The following SUN1 variants were observed in gnomAD, a reference collection of about 807,000 sequenced individuals.
SUN1 encodes the protein Sad1 and UNC84 domain containing 1, also known as SUN domain-containing protein 1.
SUN1 carries 61 observed loss-of-function variants against 103.2 expected under a neutral mutation model. That is an observed-to-expected ratio of 0.59 (90% CI 0.48 to 0.73). SUN1 has a LOEUF of 0.73. SUN1 is among the 30% of genes least tolerant of loss of function. SUN1 has a pLI of 0.00. For missense variants in SUN1, 1,052 were observed against 1,034.6 expected (o/e 1.02, Z -0.23); for synonymous variants, 490 against 425.7 (o/e 1.15, Z -1.86).
intron 15 of SUN1, among the ~76,000 whole-genome samples, chr7:865,317 G>C (rs886507301): frequency 7.9e-5 from 12 of 151,940 alleles, no homozygotes; most frequent in Non-Finnish European, 1.5e-5. Context: ...TATGGGGTTG[G>C]CCAGGCTGGT....
Position 838,997 on chromosome 7 carries a change from C to T in SUN1, c.266+11C>T, listed in dbSNP as rs1460046814. 1.3e-6 allele frequency: 2 copies of T among 1,538,300 alleles called. No individual in the cohort carries two copies. Among genetic ancestry groups the T allele is most frequent in the African/African-American group, 2.7e-5 (2 of 73,034 alleles). On this transcript the variant is annotated intron_variant, in intron 2 of 18. Coordinates refer to ENST00000401592, the MANE Select transcript of SUN1 (RefSeq NM_001130965.3). ...GAACCGAGCGGCCAGGTGAGCACCG[C>T]TGCACTTCCTCTCCATCTGATCTCT...
At chr7:817,332 C>T (rs1781656210) in intron 1 of SUN1, 3 of 1,272,818 alleles carry the variant, frequency 2.4e-6, no homozygotes, top group East Asian at 2.5e-5. Context: ...CAAGCGATCC[C>T]CTCGCCCCAG....
intron 1 of SUN1, among the ~76,000 whole-genome samples, chr7:827,323 G>C (rs1793143057): frequency 6.6e-6 from 1 of 152,108 alleles, no homozygotes; most frequent in Admixed American, 6.6e-5. Context: ...ACTGTGCCTG[G>C]CCAGACCCAT....
chr7:826,453 G>A (rs536562832), intron 1 of SUN1, among the ~76,000 whole-genome samples: 1 of 152,322 alleles, frequency 6.6e-6, no homozygotes, highest in African/African-American at 2.4e-5. Flanking sequence ...CTGCCCAGCC[G>A]GGTGGAGCAG....
Position 873,542 on chromosome 7 carries a change from C to CA in SUN1, c.*212dup. 1 of 527,454 alleles carries CA rather than the reference C, an allele frequency of 1.9e-6. No homozygotes were observed. Among genetic ancestry groups the CA allele is most frequent in the Admixed American group, 3.5e-5 (1 of 28,686 alleles). The allele number at this position is 527,454 out of a possible 1,614,324, so 32.7% of individuals were successfully genotyped here. ...GCCTCTGCAGGTGCAGAGGGGTCAGCAGCAGGAGAAGCGTGTTGAACACGT... is the reference window on the plus strand; with the variant it reads ...GCCTCTGCAGGTGCAGAGGGGTCAGCAAGCAGGAGAAGCGTGTTGAACACGT... On this transcript the variant is annotated 3_prime_UTR_variant, in exon 19 of 19. Transcript: ENST00000401592.
chr7:873,443 C>A lies in SUN1; in HGVS notation c.*112C>A. The A allele has an allele frequency of 9.4e-7, 1 of 1,062,598 alleles. No individual in the cohort carries two copies. Among genetic ancestry groups the A allele is most frequent in the Admixed American group, 2.1e-5 (1 of 48,540 alleles). The allele number at this position is 1,062,598 out of a possible 1,614,324, so 65.8% of individuals were successfully genotyped here. A position where few individuals can be genotyped will look rare whatever the true frequency, so the allele number is the denominator to read the frequency against. Reference sequence around the variant, plus strand: ...ATGATGGGACAGTGCCACACTCCTTCAATAAACGTGGCTGCTGGCCAGAGG... The same window carrying A: ...ATGATGGGACAGTGCCACACTCCTTAAATAAACGTGGCTGCTGGCCAGAGG... On this transcript the variant is annotated 3_prime_UTR_variant, in exon 19 of 19. Transcript: ENST00000401592.
chr7:858,966 C>T (rs1174991853), intron 13 of SUN1, among the ~76,000 whole-genome samples: 1 of 152,044 alleles, frequency 6.6e-6, no homozygotes, highest in Non-Finnish European at 1.5e-5. Flanking sequence ...CCAGCCTGGC[C>T]AACATGGTGA....
chr7:869,599 G>T, intron 17 of SUN1, 83 bp downstream of exon 17: 2 of 1,517,806 alleles, frequency 1.3e-6, no homozygotes, highest in East Asian at 2.3e-5. Flanking sequence ...GAGCGCACTG[G>T]GGACGGCTGC....
At chr7:843,292 A>G in intron 4 of SUN1, 49 bp from the exon 5 acceptor site, 1 of 1,604,906 alleles carries the variant, frequency 6.2e-7, no homozygotes, top group South Asian at 1.1e-5. Context: ...TTAGTTAAAT[A>G]TCTGCAGACT....
chr7:871,413 G>A (rs1288122755), intron 17 of SUN1, among the ~76,000 whole-genome samples: 3 of 152,082 alleles, frequency 2.0e-5, no homozygotes, highest in South Asian at 2.1e-4. Flanking sequence ...TTTTGAGACC[G>A]AGTCTCGCTC....
At chr7:862,736 G>T (rs1437731992) in intron 15 of SUN1, among the ~76,000 whole-genome samples, 1 of 152,210 alleles carries the variant, frequency 6.6e-6, no homozygotes, top group Non-Finnish European at 1.5e-5. Flanking sequence ...CTGCACCGAA[G>T]GTTCCATTAT....
intron 1 of SUN1, among the ~76,000 whole-genome samples, chr7:826,556 G>A (rs1367408363): frequency 6.6e-6 from 1 of 152,226 alleles, no homozygotes; most frequent in Non-Finnish European, 1.5e-5. Context: ...CGCTCTGGGA[G>A]GAGGGGCCTG....
chr7:862,537 TTAGAA>T (rs765413334), intron 15 of SUN1, among the ~76,000 whole-genome samples: 59 of 152,242 alleles, frequency 3.9e-4, no homozygotes, highest in Non-Finnish European at 7.5e-4. Flanking sequence ...AATGACCTTT[TTAGAA>T]TATTAAGTGC....
At chr7:854,837 G>A (rs1197542717) in intron 10 of SUN1, 83 bp from the exon 11 acceptor site, 57 of 939,288 alleles carry the variant, frequency 6.1e-5, no homozygotes, top group South Asian at 4.1e-4. Context: ...TCGGTATTCC[G>A]TGTAGAAACG....
At position 839,408 on chromosome 7, in the gene SUN1, G is replaced by A. The variant is rs530699181; in HGVS notation, c.266+422G>A. 3.1e-4 allele frequency among the ~76,000 whole-genome samples: 47 copies of A among 152,268 alleles called. No individual in the cohort carries two copies. The South Asian group carries it at 7.0e-3, about 23-fold the overall frequency. ...CCAGTTCATTCTTTTTTCTGGAGAC[G>A]GAGTCTCGCTCTGTCGCCCAGGGTG... On this transcript the variant is annotated intron_variant, in intron 2 of 18. Transcript: ENST00000401592.
At chr7:836,679 T>G (rs949376518) in intron 1 of SUN1, among the ~76,000 whole-genome samples, 1 of 152,188 alleles carries the variant, frequency 6.6e-6, no homozygotes, top group Non-Finnish European at 1.5e-5. Context: ...TGGAGGGCAG[T>G]CTGCTTTCCT....
intron 5 of SUN1, among the ~76,000 whole-genome samples, chr7:846,352 C>A (rs1319530623): frequency 6.6e-6 from 1 of 152,174 alleles, no homozygotes; most frequent in Non-Finnish European, 1.5e-5. Flanking sequence ...TGTGATCCGC[C>A]CACCTTGGCC....
chr7:862,545 T>G (rs1833015901), intron 15 of SUN1, among the ~76,000 whole-genome samples: 1 of 152,238 alleles, frequency 6.6e-6, no homozygotes, highest in Admixed American at 6.5e-5. Context: ...TTTTAGAATA[T>G]TAAGTGCTTT....
rs1191920748 is a variant in SUN1, at chr7:850,080, T to C, written c.659-1304T>C. The C allele has an allele frequency of 2.0e-6, 3 of 1,489,754 alleles. No homozygotes were observed. In the African/African-American group the frequency reaches 4.2e-5, roughly 21 times the overall value. 92.3% of individuals were successfully genotyped at this position (1,489,754 alleles called of 1,614,324 possible). On this transcript the variant is annotated intron_variant, in intron 5 of 18. Transcript: ENST00000401592. The stretch of plus-strand genomic sequence containing the variant: ...GTCTCATCTCGCCCTGTCACCATGC[T>C]ATTTGTGTCTTGTGTGGTTTGTGCT...
Sources: gnomAD v4.1 joint callset for allele counts (sites outside exome capture counted in the v4.1 genomes callset) on GRCh38, gnomAD v4.1.1 for gene constraint, MANE v1.5 for transcripts, NCBI Gene and HGNC (gene_info 2026-07-23, HGNC 2026-07-21) for gene names.